Variants in UGT2B4 observed in about 807,000 individuals in gnomAD.
UGT2B4 encodes the protein UDP glucuronosyltransferase family 2 member B4, also known as UDP-glucuronosyltransferase 2B4.
A neutral mutation model predicts 49.8 loss-of-function variants in UGT2B4; 49 were observed. That is an observed-to-expected ratio of 0.98 (90% confidence interval 0.78 to 1.25). UGT2B4 has a LOEUF of 1.25. Among genes scored for constraint, UGT2B4 ranks in the 50% most tolerant of loss-of-function variants. UGT2B4 has a pLI of 0.00. For synonymous variants in UGT2B4, 246 were observed against 217.7 expected, an observed-to-expected ratio of 1.13 and a Z score of -1.14; for missense variants, 729 against 627.7, an observed-to-expected ratio of 1.16 and a Z score of -1.73.
In UGT2B4 at chr4:69,493,830, T is replaced by C. The variant is rs369919287; in HGVS notation, c.733A>G (p.Thr245Ala). 3.1e-6 allele frequency: 5 copies of C among 1,596,220 alleles called. No homozygotes were observed. Among genetic ancestry groups the C allele is most frequent in the Non-Finnish European group, 4.3e-6 (5 of 1,173,506 alleles). Residue 245 changes from threonine (T) to alanine (A), a missense_variant, in exon 2 of 6, where the codon ACG (threonine) becomes GCG (alanine). Physicochemically the swap from Thr to Ala is moderately conservative, Grantham distance 58. Coordinates refer to ENST00000305107, the MANE Select transcript of UGT2B4 (RefSeq NM_021139.3). The stretch of plus-strand genomic sequence containing the variant: ...GCTTTTGCCATTGTCTCAGATAACG[T>C]AGTGGGTCTTCCTGATGGGGGAAAA... ...FYSEVLGRPTTLSETMAKADI... is the reference protein window; with the variant it reads ...FYSEVLGRPTALSETMAKADI...
At position 69,480,533 on chromosome 4, in the gene UGT2B4, T is replaced by C. The variant is rs1415737819; in HGVS notation, c.*101A>G. 4 of 1,498,012 alleles carry C rather than the reference T, an allele frequency of 2.7e-6. No individual in the cohort carries two copies. The highest frequency in any genetic ancestry group is 1.4e-5 in the African/African-American group (1 of 71,412). 92.8% of individuals were successfully genotyped at this position (1,498,012 alleles called of 1,614,324 possible). On this transcript the variant is annotated 3_prime_UTR_variant, in exon 6 of 6. Transcript: ENST00000305107. Reference sequence around the variant, plus strand: ...AAGGTAAGTTTTGAAAGATGTTTTGTCACAAGAAGAAAGGAATCTCTTGTA... The same window carrying C: ...AAGGTAAGTTTTGAAAGATGTTTTGCCACAAGAAGAAAGGAATCTCTTGTA...
intron 1 of UGT2B4, among the ~76,000 whole-genome samples, chr4:69,519,281 CA>C (rs1046371263): frequency 4.6e-5 from 7 of 152,086 alleles, no homozygotes; most frequent in South Asian, 2.1e-4. Context: ...TTTAAAATGA[CA>C]AAAAGATTAA....
chr4:69,512,976 G>T (rs1052612772), intron 1 of UGT2B4, among the ~76,000 whole-genome samples: 1 of 152,080 alleles, frequency 6.6e-6, no homozygotes, highest in African/African-American at 2.4e-5. Flanking sequence ...GTAGAATCTG[G>T]ATATGAGAAC....
Position 69,495,835 on chromosome 4 carries a change from A to C in UGT2B4, c.27T>G (p.Leu9=). Residue 9 remains leucine (L), a synonymous_variant, in exon 1 of 6, where the codon CTT becomes CTG. Transcript: ENST00000305107. MSMKWTSA[L]LLIQLSCYFS... The stretch of plus-strand genomic sequence containing the variant: ...AGTAACAGCTCAGCTGTATCAGCAG[A>C]AGAGCTGAAGTCCATTTCATAGACA... The C allele has an allele frequency of 6.2e-7, 1 of 1,601,300 alleles. No homozygotes were observed. The highest frequency in any genetic ancestry group is 1.7e-4 in the Middle Eastern group (1 of 5,964).
chr4:69,503,478 C>A (rs1317860739), intron 1 of UGT2B4, among the ~76,000 whole-genome samples: 3 of 152,334 alleles, frequency 2.0e-5, no homozygotes, highest in African/African-American at 4.8e-5. Context: ...CCCAGCAGCA[C>A]ACAGGAGTGC....
upstream of UGT2B4, among the ~76,000 whole-genome samples, chr4:69,499,479 A>G (rs1256632031): frequency 1.3e-5 from 2 of 152,172 alleles, no homozygotes; most frequent in Non-Finnish European, 2.9e-5. Flanking sequence ...GTCTCCCACA[A>G]TTATTGTGTG....
At chr4:69,482,218 G>A (rs535472986) in intron 5 of UGT2B4, among the ~76,000 whole-genome samples, 2 of 152,090 alleles carry the variant, frequency 1.3e-5, no homozygotes, top group Non-Finnish European at 2.9e-5. Flanking sequence ...CAATAAGAGA[G>A]GCTTTTCCTG....
At chr4:69,512,993 A>T (rs1728646752) in intron 1 of UGT2B4, among the ~76,000 whole-genome samples, 1 of 152,160 alleles carries the variant, frequency 6.6e-6, no homozygotes, top group Admixed American at 6.5e-5. Flanking sequence ...GAACTTTGTC[A>T]GGTGGATAGA....
chr4:69,504,925 T>C (rs58306899), intron 1 of UGT2B4, among the ~76,000 whole-genome samples: 31,881 of 151,928 alleles, frequency 0.21, 3,523 homozygotes, highest in Middle Eastern at 0.27. Flanking sequence ...ACCCTATAAG[T>C]CAGAAGAGAT....
chr4:69,486,447 A>ATTATCG lies in UGT2B4; in HGVS notation c.1090+161_1090+162insCGATAA, dbSNP rs2109805615. ...GGGTGCATATCATAAAATGCCAACA[A>ATTATCG]TTTATTCTTTTCCCCCGGGACTGGA... On this transcript the variant is annotated intron_variant, in intron 4 of 5. Coordinates refer to ENST00000305107, the MANE Select transcript of UGT2B4 (RefSeq NM_021139.3). The ATTATCG allele has an allele frequency of 9.8e-6, 3 of 306,486 alleles. No homozygotes were observed. The African/African-American group carries it at 1.9e-4, about 19-fold the overall frequency. The allele number at this position is 306,486 out of a possible 1,614,324, so 19.0% of individuals were successfully genotyped here. A position where few individuals can be genotyped will look rare whatever the true frequency, so the allele number is the denominator to read the frequency against.
At chr4:69,485,927 A>AT (rs1427990343) in intron 4 of UGT2B4, among the ~76,000 whole-genome samples, 3 of 151,952 alleles carry the variant, frequency 2.0e-5, no homozygotes, top group East Asian at 2.0e-4. Flanking sequence ...TGCCCAGTTA[A>AT]TTTTTTGTAT....
intron 1 of UGT2B4, among the ~76,000 whole-genome samples, chr4:69,511,522 C>T (rs915531290): frequency 1.3e-5 from 2 of 152,040 alleles, no homozygotes; most frequent in African/African-American, 4.8e-5. Flanking sequence ...GATGAATGAA[C>T]CTCTTAATAT....
In UGT2B4 at chr4:69,502,141, CTTTCTTTCTCTT is replaced by C. The variant is rs1338564980; in HGVS notation, c.-105-6187_-105-6176del. Among the ~76,000 whole-genome samples, 62 of 118,072 alleles carry C rather than the reference CTTTCTTTCTCTT, an allele frequency of 5.3e-4. 1 individual carries two copies. The highest frequency in any genetic ancestry group is 1.7e-3 in the African/African-American group (51 of 29,958). 77.5% of individuals were successfully genotyped at this position (118,072 alleles called of 152,430 possible). On this transcript the variant is annotated intron_variant, in intron 1 of 1. Coordinates refer to the UGT2B4 transcript ENST00000510114. ...TCTTTCTTTCTTTCTTTCTTTCTTT[CTTTCTTTCTCTT>C]TCTTTCTTTCTTCTTTCTTTTCTTC...
intron 1 of UGT2B4, among the ~76,000 whole-genome samples, chr4:69,513,324 C>A (rs1728653230): frequency 1.3e-5 from 2 of 152,106 alleles, no homozygotes; most frequent in Admixed American, 1.3e-4. Context: ...CTCCCCACAT[C>A]ATTTATTAAA....
At chr4:69,490,783 T>C (rs1205391151) in intron 2 of UGT2B4, among the ~76,000 whole-genome samples, 1 of 152,162 alleles carries the variant, frequency 6.6e-6, no homozygotes, top group East Asian at 1.9e-4. Flanking sequence ...AGGTAATACA[T>C]AGGATATCCA....
intron 5 of UGT2B4, among the ~76,000 whole-genome samples, chr4:69,484,250 C>G (rs1727698618): frequency 1.3e-5 from 2 of 152,130 alleles, no homozygotes; most frequent in African/African-American, 4.8e-5. Context: ...TGGCAATTTT[C>G]ATAAACACAC....
upstream of UGT2B4, among the ~76,000 whole-genome samples, chr4:69,500,513 AAGGAAAGAAAGAAAGAAAG>A (rs1332649164): frequency 6.7e-6 from 1 of 149,382 alleles, no homozygotes; most frequent in Non-Finnish European, 1.5e-5. Context: ...AGAAGGAAGG[AAGGAAAGAAAGAAAGAAAG>A]AAGAAAGAAA....
In UGT2B4 at chr4:69,485,391, C is replaced by T. The variant is rs1553895303; in HGVS notation, c.1127G>A (p.Gly376Glu). The T allele has an allele frequency of 6.2e-7, 1 of 1,613,744 alleles. No homozygotes were observed. Among genetic ancestry groups the T allele is most frequent in the Non-Finnish European group, 8.5e-7 (1 of 1,179,802 alleles). The change falls in exon 5 of 6, where the codon GGA (glycine) becomes GAA (glutamate). Residue 376 changes from glycine (G) to glutamate (E), a missense_variant. Transcript: ENST00000305107. ...GATTGCCTCATAGATGCCATTGGCT[C>T]CACCATGAGTTATAAAAGCTCTGGT... ...PKTRAFITHG[G>E]ANGIYEAIYH... is the part of the protein sequence containing the mutation.
rs753979973 is a variant in UGT2B4, at chr4:69,495,414, C to A, written c.448G>T (p.Ala150Ser). 1 of 1,613,934 alleles carries A rather than the reference C, an allele frequency of 6.2e-7. No homozygotes were observed. The highest frequency in any genetic ancestry group is 1.7e-5 in the Admixed American group (1 of 59,960). ...TCACCAAAGGGGAAAACAGCATCTG[C>A]AAGAACAACATCAAATCTTGACTCC... The part of the protein sequence containing the change: ...LQESRFDVVL[A>S]DAVFPFGELL... The change falls in exon 1 of 6, where the codon GCA becomes TCA. Residue 150 changes from alanine to serine, a missense_variant. Transcript: ENST00000305107.
Sources: allele counts gnomAD v4.1 joint callset (sites outside exome capture counted in the v4.1 genomes callset), GRCh38; gene constraint gnomAD v4.1.1; transcripts MANE v1.5; gene names NCBI Gene and HGNC (gene_info 2026-07-23, HGNC 2026-07-21).